Variants in MELK observed in about 807,000 individuals in gnomAD.
The protein encoded by MELK is maternal embryonic leucine zipper kinase, also known as pEg3 kinase.
MELK carries 81 observed loss-of-function variants against 85.0 expected under a neutral mutation model. That is an observed-to-expected ratio of 0.95 (90% CI 0.80 to 1.15). MELK has a LOEUF of 1.15. MELK is among the 50% of genes most tolerant of loss of function. The pLI is 0.00. For synonymous variants in MELK, 252 were observed against 265.0 expected (o/e 0.95, Z 0.48); for missense variants, 754 against 777.5 (o/e 0.97, Z 0.36).
intron 7 of MELK, among the ~76,000 whole-genome samples, chr9:36,606,596 A>G (rs1825551509): frequency 6.8e-6 from 1 of 147,044 alleles, no homozygotes; most frequent in Non-Finnish European, 1.5e-5. Context: ...ATAGGTGTGT[A>G]TATAATATAT....
At chr9:36,623,512 G>T (rs1016176287) in intron 8 of MELK, among the ~76,000 whole-genome samples, 1 of 152,182 alleles carries the variant, frequency 6.6e-6, no homozygotes, top group African/African-American at 2.4e-5. Flanking sequence ...ACCCACTTGT[G>T]GATGATACTC....
chr9:36,627,141 G>A (rs187006371), intron 8 of MELK, among the ~76,000 whole-genome samples: 19 of 151,564 alleles, frequency 1.3e-4, no homozygotes, highest in Admixed American at 7.2e-4. Flanking sequence ...AGGTGAGGAA[G>A]CCATTGACTT....
intron 7 of MELK, among the ~76,000 whole-genome samples, chr9:36,606,299 T>A (rs1279846943): frequency 6.8e-6 from 1 of 147,672 alleles, no homozygotes; most frequent in African/African-American, 2.5e-5. Flanking sequence ...GGTGTGTATA[T>A]AATATATACA....
chr9:36,587,254 T>C (rs763915737), intron 3 of MELK, among the ~76,000 whole-genome samples: 13 of 152,030 alleles, frequency 8.6e-5, no homozygotes, highest in Non-Finnish European at 1.6e-4. Flanking sequence ...AGACATGATA[T>C]CTAGTTGCAT....
At chr9:36,672,755 G>A (rs1003948878) in intron 16 of MELK, among the ~76,000 whole-genome samples, 2 of 152,066 alleles carry the variant, frequency 1.3e-5, no homozygotes, top group African/African-American at 4.8e-5. Context: ...GATGCTACAT[G>A]GCATATTAAA....
chr9:36,629,638 A>G (rs1336170593), intron 8 of MELK, among the ~76,000 whole-genome samples: 2 of 152,214 alleles, frequency 1.3e-5, no homozygotes, highest in Non-Finnish European at 2.9e-5. Context: ...CTCTGAAATT[A>G]TAAACTAATA....
chr9:36,587,054 T>TGG (rs910199518), intron 3 of MELK, among the ~76,000 whole-genome samples: 5 of 152,112 alleles, frequency 3.3e-5, no homozygotes, highest in Non-Finnish European at 7.4e-5. Flanking sequence ...TTTCACCGTG[T>TGG]TAGCCAGGAT....
rs1564164177 is a variant in MELK at position 36,615,387 on chromosome 9, C to CG, written c.666+7720dup. ...CTCCCGGTCGGCACGGCTGGCCGGG[C>CG]GGGGGGCTGACCCCCCCACCTCCCT... On this transcript the variant is annotated intron_variant, in intron 8 of 17. Coordinates refer to ENST00000298048, the MANE Select transcript of MELK (RefSeq NM_014791.4). Among the ~76,000 whole-genome samples, 3 of 133,664 alleles carry CG rather than the reference C, an allele frequency of 2.2e-5. No individual in the cohort carries two copies. In the South Asian group the frequency reaches 7.3e-4, roughly 32 times the overall value. 87.7% of individuals were successfully genotyped at this position (133,664 alleles called of 152,430 possible).
At chr9:36,662,734 T>G (rs1831978033) in intron 13 of MELK, among the ~76,000 whole-genome samples, 1 of 152,244 alleles carries the variant, frequency 6.6e-6, no homozygotes. Flanking sequence ...ACTTTCTTCT[T>G]GCTTCTATTG....
At chr9:36,577,881 G>A (rs1310298223) in intron 1 of MELK, among the ~76,000 whole-genome samples, 1 of 151,926 alleles carries the variant, frequency 6.6e-6, no homozygotes, top group Non-Finnish European at 1.5e-5. Flanking sequence ...TTGAACTCCC[G>A]ACCTCAGGTG....
rs369063583 is a variant in MELK, at chr9:36,607,615, T to C, written c.608T>C (p.Met203Thr). The C allele has an allele frequency of 1.9e-6, 3 of 1,613,158 alleles. No homozygotes were observed. Among genetic ancestry groups the C allele is most frequent in the Non-Finnish European group, 2.5e-6 (3 of 1,179,168 alleles). Residue 203 changes from methionine (M) to threonine (T), a missense_variant, in exon 8 of 18, where the codon ATG becomes ACG. Transcript: ENST00000298048. ...WSMGILLYVL[M>T]CGFLPFDDDN... is the part of the protein sequence containing the mutation. ...ATGGGCATACTGTTATATGTTCTTA[T>C]GTGTGGATTTCTACCATTTGATGAT...
intron 17 of MELK, 57 bp downstream of exon 17, chr9:36,674,994 A>G: frequency 7.3e-7 from 1 of 1,360,934 alleles, no homozygotes; most frequent in Non-Finnish European, 1.0e-6. Flanking sequence ...ACTTTGAGAA[A>G]ATAGGAGTTG....
Position 36,677,225 on chromosome 9 carries a change from T to C in MELK, c.1844T>C (p.Val615Ala), listed in dbSNP as rs775907942. 3 of 1,614,098 alleles carry C rather than the reference T, an allele frequency of 1.9e-6. No homozygotes were observed. In the South Asian group the frequency reaches 3.3e-5, roughly 18 times the overall value. ...GKVTMQFELE[V>A]CQLQKPDVVG... ...GTGACAATGCAATTTGAATTAGAAGTGTGCCAGCTTCAAAAACCCGATGTG... is the reference window on the plus strand; with the variant it reads ...GTGACAATGCAATTTGAATTAGAAGCGTGCCAGCTTCAAAAACCCGATGTG... Residue 615 changes from valine to alanine, a missense_variant, in exon 18 of 18, where the codon GTG (valine) becomes GCG (alanine). Physicochemically the swap from Val to Ala is moderately conservative, Grantham distance 64. Transcript: ENST00000298048.
At chr9:36,621,228 C>T (rs1333329138) in intron 8 of MELK, among the ~76,000 whole-genome samples, 2 of 127,402 alleles carry the variant, frequency 1.6e-5, no homozygotes, top group African/African-American at 6.0e-5. Context: ...GGTGAGATCA[C>T]GCCTCTGCCC....
intron 10 of MELK, among the ~76,000 whole-genome samples, chr9:36,636,786 G>GTCTTTCTTTCTT (rs1224635956): frequency 5.9e-5 from 3 of 50,714 alleles, no homozygotes; most frequent in Admixed American, 2.6e-4. Context: ...CTTTCTTTCT[G>GTCTTTCTTTCTT]TCTGTCTTTC....
intron 8 of MELK, among the ~76,000 whole-genome samples, chr9:36,608,162 C>T (rs866888684): frequency 2.6e-5 from 4 of 151,312 alleles, no homozygotes; most frequent in Admixed American, 1.3e-4. Flanking sequence ...TGCCTGTAGT[C>T]CCAGCTACTC....
chr9:36,667,027 T>C (rs187259908), intron 14 of MELK, among the ~76,000 whole-genome samples: 36 of 152,274 alleles, frequency 2.4e-4, no homozygotes, highest in Non-Finnish European at 4.3e-4. Context: ...AAAGGGTCTC[T>C]TTCTGTTCTG....
Position 36,607,556 on chromosome 9 carries a change from T to C in MELK, c.568-19T>C. ...GAATTTTTGTTTCAGTAATTTTTCT[T>C]TTTCCCTCTTTCTCTCAGGCAGATG... is the stretch of plus-strand genomic sequence containing the variant. On this transcript the variant is annotated intron_variant, in intron 7 of 17. Coordinates refer to ENST00000298048, the MANE Select transcript of MELK (RefSeq NM_014791.4). 1 of 1,570,790 alleles carries C rather than the reference T, an allele frequency of 6.4e-7. No individual in the cohort carries two copies. The highest frequency in any genetic ancestry group is 8.7e-7 in the Non-Finnish European group (1 of 1,142,926).
chr9:36,675,821 C>T (rs1833295167), intron 17 of MELK, among the ~76,000 whole-genome samples: 1 of 152,110 alleles, frequency 6.6e-6, no homozygotes, highest in African/African-American at 2.4e-5. Flanking sequence ...ATTAAAGCAA[C>T]CAGAAGAGAC....
Sources: gnomAD v4.1 joint callset for allele counts (sites outside exome capture counted in the v4.1 genomes callset) on GRCh38, gnomAD v4.1.1 for gene constraint, MANE v1.5 for transcripts, NCBI Gene and HGNC (gene_info 2026-07-23, HGNC 2026-07-21) for gene names.